Variants in PTPRD observed in about 807,000 individuals in gnomAD.
PTPRD encodes the protein receptor-type tyrosine-protein phosphatase delta.
Under a neutral mutation model 214.5 loss-of-function variants are expected in PTPRD, and 34 were observed. That is an observed-to-expected ratio of 0.16 (90% CI 0.12 to 0.21). The LOEUF (loss-of-function observed/expected upper bound fraction) is 0.21, where lower values mean the gene tolerates loss of function less well. Among genes scored for constraint, PTPRD ranks in the 10% least tolerant of loss-of-function variants. PTPRD has a pLI of 1.00. For synonymous variants in PTPRD, 1,128 were observed against 845.7 expected, an observed-to-expected ratio of 1.33 and a Z score of -5.79; for missense variants, 2,545 against 2,398.7, an observed-to-expected ratio of 1.06 and a Z score of -1.27.
At chr9:8,844,974 A>T (rs1054386108) in intron 11 of PTPRD, among the ~76,000 whole-genome samples, 3 of 152,292 alleles carry the variant, frequency 2.0e-5, no homozygotes, top group South Asian at 2.1e-4. Context: ...AAATCTTAAA[A>T]ATCCAGATCT....
intron 2 of PTPRD, among the ~76,000 whole-genome samples, chr9:10,358,301 C>A (rs546657581): frequency 4.0e-5 from 6 of 151,866 alleles, no homozygotes; most frequent in Admixed American, 6.6e-5. Flanking sequence ...TTTAATCATG[C>A]TAATTAGCAT....
Position 9,469,122 on chromosome 9 carries a change from C to CTT in PTPRD, c.-236-71642_-236-71641dup, listed in dbSNP as rs943427173. Among the ~76,000 whole-genome samples the CTT allele has an allele frequency of 3.3e-5, 5 of 152,044 alleles. No homozygotes were observed. In the East Asian group the frequency reaches 9.6e-4, roughly 29 times the overall value. The stretch of plus-strand genomic sequence containing the variant: ...TACAATATATAACAGATTTTGAAGA[C>CTT]TTAGTATGAAAAGAATATATGAAAT... On this transcript the variant is annotated intron_variant, in intron 8 of 45. Transcript: ENST00000381196.
At chr9:10,355,382 A>G (rs937107447) in intron 2 of PTPRD, among the ~76,000 whole-genome samples, 1 of 152,166 alleles carries the variant, frequency 6.6e-6, no homozygotes, top group African/African-American at 2.4e-5. Flanking sequence ...ATATTTTTAA[A>G]ACATATTGCA....
intron 7 of PTPRD, among the ~76,000 whole-genome samples, chr9:9,606,863 C>T (rs1225841864): frequency 2.7e-5 from 4 of 149,186 alleles, no homozygotes; most frequent in Non-Finnish European, 4.4e-5. Context: ...CCAAGCACAG[C>T]CTGCAAGCTA....
intron 7 of PTPRD, among the ~76,000 whole-genome samples, chr9:9,620,881 G>A (rs1177264813): frequency 6.7e-6 from 1 of 148,560 alleles, no homozygotes; most frequent in East Asian, 1.9e-4. Flanking sequence ...AAAAAAAAAA[G>A]AGCAAAGCAT....
chr9:9,909,951 C>G (rs1161303494), intron 5 of PTPRD, among the ~76,000 whole-genome samples: 1 of 151,816 alleles, frequency 6.6e-6, no homozygotes. Context: ...GGCATGCATA[C>G]AAATGACAAA....
intron 11 of PTPRD, among the ~76,000 whole-genome samples, chr9:8,913,110 A>C (rs2098759254): frequency 6.6e-6 from 1 of 151,796 alleles, no homozygotes; most frequent in African/African-American, 2.4e-5. Flanking sequence ...TCTTCAACAT[A>C]AATACCACAG....
intron 14 of PTPRD, among the ~76,000 whole-genome samples, chr9:8,557,744 A>ATTT (rs141276971): frequency 1.2e-3 from 155 of 132,664 alleles, no homozygotes; most frequent in African/African-American, 4.5e-3. Flanking sequence ...CTGTCTCTCA[A>ATTT]TAAAAAAAAA....
chr9:8,776,227 ACTATACT>A (rs1314358254), intron 11 of PTPRD, among the ~76,000 whole-genome samples: 1 of 152,196 alleles, frequency 6.6e-6, no homozygotes, highest in African/African-American at 2.4e-5. Flanking sequence ...AAGGCATACA[ACTATACT>A]AAGGCTCAGT....
chr9:9,305,909 G>T (rs144252607), intron 9 of PTPRD, among the ~76,000 whole-genome samples: 1 of 151,932 alleles, frequency 6.6e-6, no homozygotes, highest in African/African-American at 2.4e-5. Flanking sequence ...TCTTTCATAG[G>T]GAACACAGCC....
At chr9:10,142,414 A>C (rs970553722) in intron 3 of PTPRD, among the ~76,000 whole-genome samples, 2,569 of 152,124 alleles carry the variant, frequency 0.017, 66 homozygotes, top group African/African-American at 0.059. Flanking sequence ...CAATGAACTC[A>C]AACAAATTTA....
chr9:9,244,419 G>C (rs908098447), intron 9 of PTPRD, among the ~76,000 whole-genome samples: 1 of 152,062 alleles, frequency 6.6e-6, no homozygotes, highest in African/African-American at 2.4e-5. Flanking sequence ...AAACACCATG[G>C]TACTGGTACC....
At chr9:9,995,030 G>A (rs1376200964) in intron 4 of PTPRD, among the ~76,000 whole-genome samples, 1 of 151,970 alleles carries the variant, frequency 6.6e-6, no homozygotes, top group Non-Finnish European at 1.5e-5. Flanking sequence ...AGTTTATTAA[G>A]TTTAAGCTTA....
At chr9:10,607,611 G>C (rs2079800802) in intron 2 of PTPRD, among the ~76,000 whole-genome samples, 2 of 151,686 alleles carry the variant, frequency 1.3e-5, no homozygotes, top group Non-Finnish European at 3.0e-5. Context: ...ACATTTCATA[G>C]AGATACATAT....
intron 11 of PTPRD, among the ~76,000 whole-genome samples, chr9:8,748,450 C>T (rs371930205): frequency 7.1e-6 from 1 of 141,528 alleles, no homozygotes; most frequent in East Asian, 2.1e-4. Context: ...AACAGCAACC[C>T]CCTTTGGGTC....
At chr9:10,470,254 T>C (rs1296033141) in intron 2 of PTPRD, among the ~76,000 whole-genome samples, 3 of 151,886 alleles carry the variant, frequency 2.0e-5, no homozygotes, top group African/African-American at 7.3e-5. Context: ...CTATTAGGTA[T>C]CCATAAAAAA....
intron 3 of PTPRD, among the ~76,000 whole-genome samples, chr9:10,292,406 G>C (rs1030992128): frequency 6.6e-6 from 1 of 151,986 alleles, no homozygotes; most frequent in Non-Finnish European, 1.5e-5. Flanking sequence ...AATGGATCAT[G>C]TTATTCTGCT....
At chr9:8,481,823 C>G (rs1158994833) in intron 30 of PTPRD, among the ~76,000 whole-genome samples, 1 of 152,114 alleles carries the variant, frequency 6.6e-6, no homozygotes, top group Non-Finnish European at 1.5e-5. Flanking sequence ...ACCTCTGTTG[C>G]TCAGGCTGAA....
chr9:8,801,529 C>A (rs2096570319), intron 11 of PTPRD, among the ~76,000 whole-genome samples: 1 of 152,042 alleles, frequency 6.6e-6, no homozygotes. Context: ...CCAGCCTGAC[C>A]AACAGGGAGA....
Sources: gnomAD v4.1 joint callset for allele counts (sites outside exome capture counted in the v4.1 genomes callset) on GRCh38, gnomAD v4.1.1 for gene constraint, MANE v1.5 for transcripts, NCBI Gene and HGNC (gene_info 2026-07-23, HGNC 2026-07-21) for gene names.